NCR2: variants seen among roughly 807,000 people sequenced by gnomAD.
The protein encoded by NCR2 is natural cytotoxicity triggering receptor 2.
NCR2 carries 35 observed loss-of-function variants against 30.7 expected under a neutral mutation model. The observed-to-expected ratio is 1.14, with a 90% CI of 0.87 to 1.51. The LOEUF is 1.51. Ranked by LOEUF, NCR2 falls within the 40% of genes most tolerant of loss-of-function variation. The probability of loss-of-function intolerance (pLI) is 0.00; values close to 1 mark genes in which losing one functional copy is unlikely to be tolerated. For synonymous variants in NCR2, 146 were observed against 134.8 expected (o/e 1.08, Z -0.58); for missense variants, 316 against 328.9 (o/e 0.96, Z 0.30).
At chr6:41,350,609 G>C in intron 4 of NCR2, 69 bp from the exon 5 acceptor site, 3 of 1,359,700 alleles carry the variant, frequency 2.2e-6, no homozygotes, top group Non-Finnish European at 3.1e-6. Context: ...GGAAGGGGTT[G>C]CCTCTGCACC....
rs752719406 is a variant in NCR2 at position 41,350,623 on chromosome 6, G to A, written c.645-55G>A. Reference sequence around the variant, plus strand: ...GGGAAGGGGTTGCCTCTGCACCTATGTGCAATTATGTGGCAGTCTCTGACC... The same window carrying A: ...GGGAAGGGGTTGCCTCTGCACCTATATGCAATTATGTGGCAGTCTCTGACC... On this transcript the variant is annotated intron_variant, in intron 4 of 4. Transcript: ENST00000373089. 13 of 1,520,170 alleles carry A rather than the reference G, an allele frequency of 8.6e-6. No homozygotes were observed. In the African/African-American group the frequency reaches 1.5e-4, roughly 18 times the overall value. The allele number at this position is 1,520,170 out of a possible 1,614,324, so 94.2% of individuals were successfully genotyped here. A position where few individuals can be genotyped will look rare whatever the true frequency, so the allele number is the denominator to read the frequency against.
intron 2 of NCR2, among the ~76,000 whole-genome samples, chr6:41,337,407 A>G (rs1290905463): frequency 6.6e-6 from 1 of 152,218 alleles, no homozygotes; most frequent in Non-Finnish European, 1.5e-5. Context: ...ACGTTTTGTC[A>G]TTCCTCAGTT....
chr6:41,342,938 T>G, intron 4 of NCR2: 1 of 1,550,592 alleles, frequency 6.4e-7, no homozygotes, highest in South Asian at 1.2e-5. Context: ...AATCGGCACA[T>G]GCAGCATCAA....
chr6:41,336,520 C>T, intron 2 of NCR2, 92 bp downstream of exon 2: 1 of 1,040,912 alleles, frequency 9.6e-7, no homozygotes. Flanking sequence ...GGAAGCCACC[C>T]ATGCCCACGC....
At chr6:41,337,978 G>GCGATATA (rs1285136507) in intron 2 of NCR2, among the ~76,000 whole-genome samples, 2 of 152,154 alleles carry the variant, frequency 1.3e-5, no homozygotes, top group African/African-American at 2.4e-5. Context: ...GTGAAGATAT[G>GCGATATA]CAATATCAAT....
intron 2 of NCR2, 47 bp from the exon 3 acceptor site, chr6:41,341,747 A>T (rs781217520): frequency 2.6e-6 from 4 of 1,567,896 alleles, no homozygotes; most frequent in Non-Finnish European, 2.6e-6. Context: ...GGCAGGCACA[A>T]GTGAGGTCTC....
At chr6:41,337,152 T>C (rs1010164413) in intron 2 of NCR2, among the ~76,000 whole-genome samples, 1 of 152,032 alleles carries the variant, frequency 6.6e-6, no homozygotes, top group Non-Finnish European at 1.5e-5. Context: ...TAAAAAAAAA[T>C]CTGCAATTCA....
At chr6:41,336,018 G>C in intron 1 of NCR2, 69 bp from the exon 2 acceptor site, 1 of 1,587,836 alleles carries the variant, frequency 6.3e-7, no homozygotes, top group Non-Finnish European at 8.6e-7. Flanking sequence ...TGGCTCTGTG[G>C]CCAGAGGCCT....
At chr6:41,341,472 G>A (rs1769165776) in intron 2 of NCR2, among the ~76,000 whole-genome samples, 2 of 152,232 alleles carry the variant, frequency 1.3e-5, no homozygotes, top group East Asian at 1.9e-4. Context: ...GAAGGGGCCC[G>A]AAGCATCATG....
intron 4 of NCR2, among the ~76,000 whole-genome samples, chr6:41,345,754 GCC>G (rs2114063190): frequency 6.6e-6 from 1 of 152,144 alleles, no homozygotes; most frequent in East Asian, 1.9e-4. Context: ...CATGACATTA[GCC>G]CCAATTCCCA....
At chr6:41,343,010 G>A (rs1306950825) in intron 4 of NCR2, 1 of 1,550,584 alleles carries the variant, frequency 6.4e-7, no homozygotes, top group Non-Finnish European at 8.7e-7. Flanking sequence ...TTCCCACTGA[G>A]CCACAGGGCA....
At chr6:41,336,775 C>T (rs941779224) in intron 2 of NCR2, among the ~76,000 whole-genome samples, 1 of 152,056 alleles carries the variant, frequency 6.6e-6, no homozygotes, top group African/African-American at 2.4e-5. Flanking sequence ...TGGCTGCCCC[C>T]ACCATGTAGA....
chr6:41,350,757 A>G lies in NCR2; in HGVS notation c.724A>G (p.Thr242Ala). Residue 242 changes from threonine (T) to alanine (A), a missense_variant, in exon 5 of 5, where the codon ACG becomes GCG. Thr to Ala is a moderately conservative substitution (Grantham distance 58). Coordinates refer to ENST00000373089, the MANE Select transcript of NCR2 (RefSeq NM_004828.4). ...AGCCACCTGCCACCTTCAACAGGTC[A>G]CGGACCTTCCCTGGACCTCAGTTTC... ...QKATCHLQQV[T>A]DLPWTSVSSP... The G allele has an allele frequency of 6.2e-7, 1 of 1,608,682 alleles. No homozygotes were observed. Among genetic ancestry groups the G allele is most frequent in the Non-Finnish European group, 8.5e-7 (1 of 1,174,982 alleles).
intron 2 of NCR2, among the ~76,000 whole-genome samples, chr6:41,340,657 G>A (rs1005703154): frequency 1.3e-5 from 2 of 152,080 alleles, no homozygotes; most frequent in African/African-American, 4.8e-5. Context: ...TGATATAAAC[G>A]TTTTGAAACC....
At position 41,336,384 on chromosome 6, in the gene NCR2, A is replaced by G. The variant is rs545710028; in HGVS notation, c.350A>G (p.Asn117Ser). ...YWCRIYRPSD[N>S]SVSKSVRFYL... Reference sequence around the variant, plus strand: ...TGTAGAATCTACCGCCCTTCTGACAACTCTGTCTCTAAGTCCGTCAGATTC... The same window carrying G: ...TGTAGAATCTACCGCCCTTCTGACAGCTCTGTCTCTAAGTCCGTCAGATTC... The change falls in exon 2 of 5, where the codon AAC becomes AGC. Residue 117 changes from asparagine to serine, a missense_variant. Transcript: ENST00000373089. The G allele has an allele frequency of 1.2e-6, 2 of 1,613,782 alleles. No homozygotes were observed. The highest frequency in any genetic ancestry group is 1.1e-5 in the South Asian group (1 of 91,068).
At chr6:41,344,459 C>T (rs566492687) in intron 4 of NCR2, among the ~76,000 whole-genome samples, 4 of 152,326 alleles carry the variant, frequency 2.6e-5, no homozygotes, top group Admixed American at 6.5e-5. Context: ...CTGAGACTGA[C>T]GTGATTATCT....
chr6:41,336,573 A>T (rs1402315133), intron 2 of NCR2, 145 bp downstream of exon 2: 1 of 654,382 alleles, frequency 1.5e-6, no homozygotes, highest in South Asian at 1.9e-5. Context: ...TGCAGGGGGA[A>T]CTCATATGTG....
At position 41,341,815 on chromosome 6, in the gene NCR2, C is replaced by T. The variant is rs545223004; in HGVS notation, c.416C>T (p.Ser139Phe). The change falls in exon 3 of 5, where the codon TCC becomes TTC. Residue 139 changes from serine (S) to phenylalanine (F), a missense_variant. Physicochemically the swap from Ser to Phe is radical, Grantham distance 155 (BLOSUM62 -2). Transcript: ENST00000373089. ...VSPASASTQT[S>F]WTPRDLVSSQ... ...GCAGCCTCTGCCTCCACACAGACCT[C>T]CTGGACTCCCCGCGACCTGGTCTCT... 147 of 1,612,380 alleles carry T rather than the reference C, an allele frequency of 9.1e-5. No homozygotes were observed. The highest frequency in any genetic ancestry group is 1.7e-4 in the Admixed American group (10 of 60,018).
intron 4 of NCR2, among the ~76,000 whole-genome samples, chr6:41,344,256 T>C (rs911548786): frequency 1.3e-5 from 2 of 152,222 alleles, no homozygotes; most frequent in African/African-American, 4.8e-5. Context: ...CCCACTGTGC[T>C]GTCCTTACCA....
Sources: gnomAD v4.1 joint callset for allele counts (sites outside exome capture counted in the v4.1 genomes callset) on GRCh38, gnomAD v4.1.1 for gene constraint, MANE v1.5 for transcripts, NCBI Gene and HGNC (gene_info 2026-07-23, HGNC 2026-07-21) for gene names.